The following GRID2 variants were observed in gnomAD, a reference collection of about 807,000 sequenced individuals.
The protein encoded by GRID2 is glutamate ionotropic receptor delta type subunit 2.
In GRID2, 33 loss-of-function variants were observed where a neutral mutation model predicts 114.8. That is an observed-to-expected ratio of 0.29 (90% CI 0.22 to 0.38). The LOEUF (loss-of-function observed/expected upper bound fraction) is 0.38. Among genes scored for constraint, GRID2 ranks in the 10% least tolerant of loss-of-function variants. GRID2 has a pLI of 1.00. For synonymous variants in GRID2, 505 were observed against 449.9 expected (o/e 1.12, Z -1.55); for missense variants, 1,184 against 1,257.7 (o/e 0.94, Z 0.89).
chr4:92,341,729 A>G (rs1030492321), intron 1 of GRID2, among the ~76,000 whole-genome samples: 6 of 151,946 alleles, frequency 3.9e-5, no homozygotes, highest in African/African-American at 1.5e-4. Flanking sequence ...TGGCTAACGC[A>G]CGGTGAAACC....
At chr4:93,624,982 C>T (rs984733346) in intron 13 of GRID2, among the ~76,000 whole-genome samples, 1 of 152,116 alleles carries the variant, frequency 6.6e-6, no homozygotes, top group African/African-American at 2.4e-5. Context: ...CAATGCCCAC[C>T]AGGGAGTTTT....
chr4:92,587,311 A>G (rs1287007720), intron 1 of GRID2, among the ~76,000 whole-genome samples: 1 of 152,138 alleles, frequency 6.6e-6, no homozygotes, highest in Admixed American at 6.6e-5. Context: ...GAGCAACTAT[A>G]TAGTTAACAA....
intron 8 of GRID2, among the ~76,000 whole-genome samples, chr4:93,297,378 T>C (rs1210091041): frequency 6.6e-6 from 1 of 152,234 alleles, no homozygotes; most frequent in Non-Finnish European, 1.5e-5. Flanking sequence ...CTGGCATATA[T>C]ATATGAAAAT....
At chr4:93,304,562 G>T (rs1257155008) in intron 8 of GRID2, among the ~76,000 whole-genome samples, 1 of 151,910 alleles carries the variant, frequency 6.6e-6, no homozygotes, top group Non-Finnish European at 1.5e-5. Flanking sequence ...AGAGAATCAA[G>T]AAAATAATAC....
chr4:92,581,896 T>C (rs972076756), intron 1 of GRID2, among the ~76,000 whole-genome samples: 11 of 152,118 alleles, frequency 7.2e-5, no homozygotes, highest in Admixed American at 2.0e-4. Flanking sequence ...CTTCCACTCA[T>C]ACCTTTCTAC....
chr4:93,747,441 G>A (rs1731937356), intron 14 of GRID2, among the ~76,000 whole-genome samples: 1 of 152,068 alleles, frequency 6.6e-6, no homozygotes, highest in Non-Finnish European at 1.5e-5. Context: ...TGCACTGTAT[G>A]CTTGTGGAGA....
intron 10 of GRID2, among the ~76,000 whole-genome samples, chr4:93,449,810 G>A (rs922804946): frequency 6.6e-6 from 1 of 152,048 alleles, no homozygotes; most frequent in African/African-American, 2.4e-5. Context: ...AGAATTAAAG[G>A]CTTGCTCCTC....
chr4:92,748,219 A>G (rs189469915), intron 2 of GRID2, among the ~76,000 whole-genome samples: 1 of 152,330 alleles, frequency 6.6e-6, no homozygotes, highest in East Asian at 1.9e-4. Flanking sequence ...TTAGAAAAAT[A>G]TAACAGCTAA....
chr4:93,219,003 G>T (rs954382243), intron 6 of GRID2, among the ~76,000 whole-genome samples: 2 of 152,116 alleles, frequency 1.3e-5, no homozygotes, highest in Non-Finnish European at 2.9e-5. Context: ...TCCCTCTTAT[G>T]ATACATGGGA....
At chr4:92,689,156 G>A (rs922425164) in intron 2 of GRID2, among the ~76,000 whole-genome samples, 8 of 152,236 alleles carry the variant, frequency 5.3e-5, no homozygotes, top group East Asian at 1.9e-4. Context: ...TCCAGGCTTT[G>A]TTCCATTTAT....
intron 1 of GRID2, among the ~76,000 whole-genome samples, chr4:92,320,271 G>GT (rs1252658534): frequency 2.6e-5 from 4 of 152,078 alleles, no homozygotes; most frequent in Admixed American, 1.3e-4. Context: ...AGGAAACAGT[G>GT]TTTTTCTAGT....
chr4:93,007,905 A>G (rs1174090885), intron 2 of GRID2, among the ~76,000 whole-genome samples: 2 of 151,556 alleles, frequency 1.3e-5, no homozygotes, highest in Non-Finnish European at 2.9e-5. Flanking sequence ...GCTGGCCATC[A>G]TGGTGGGCAC....
intron 2 of GRID2, among the ~76,000 whole-genome samples, chr4:93,050,956 T>C (rs1200582663): frequency 4.6e-5 from 7 of 152,010 alleles, no homozygotes; most frequent in Non-Finnish European, 7.4e-5. Flanking sequence ...TGGGGGAAAG[T>C]ATTGTTAAGC....
chr4:92,876,120 A>T (rs1745609470), intron 2 of GRID2, among the ~76,000 whole-genome samples: 1 of 151,970 alleles, frequency 6.6e-6, no homozygotes, highest in African/African-American at 2.4e-5. Context: ...TTTGCTCTGA[A>T]GTCATTTAAT....
At chr4:93,528,480 G>A (rs1386411570) in intron 13 of GRID2, among the ~76,000 whole-genome samples, 1 of 150,960 alleles carries the variant, frequency 6.6e-6, no homozygotes, top group Non-Finnish European at 1.5e-5. Flanking sequence ...CCATCCTAAT[G>A]GGTATGGGAT....
chr4:93,144,765 T>A (rs1316008991), intron 4 of GRID2, among the ~76,000 whole-genome samples: 1 of 152,124 alleles, frequency 6.6e-6, no homozygotes, highest in Non-Finnish European at 1.5e-5. Flanking sequence ...TATTTCTTCA[T>A]CAAAATACTG....
intron 2 of GRID2, among the ~76,000 whole-genome samples, chr4:92,782,640 A>C (rs1739137405): frequency 6.6e-6 from 1 of 152,158 alleles, no homozygotes; most frequent in Non-Finnish European, 1.5e-5. Context: ...GTGATTAGAG[A>C]GCATGATCCT....
intron 11 of GRID2, among the ~76,000 whole-genome samples, chr4:93,457,873 T>A (rs1352502599): frequency 6.6e-6 from 1 of 152,218 alleles, no homozygotes; most frequent in African/African-American, 2.4e-5. Context: ...ACATTGAGTT[T>A]GAGCTATCCG....
chr4:92,386,553 CT>C, intron 1 of GRID2, among the ~76,000 whole-genome samples: 1 of 151,592 alleles, frequency 6.6e-6, no homozygotes. Flanking sequence ...AATAAAAAAT[CT>C]TTTATGGAGA....
Sources: gnomAD v4.1 joint callset for allele counts (sites outside exome capture counted in the v4.1 genomes callset) on GRCh38, gnomAD v4.1.1 for gene constraint, MANE v1.5 for transcripts, NCBI Gene and HGNC (gene_info 2026-07-23, HGNC 2026-07-21) for gene names.